DLG1: variants seen among roughly 807,000 people sequenced by gnomAD.
DLG1 encodes the protein discs large MAGUK scaffold protein 1, also known as disks large homolog 1.
A neutral mutation model predicts 123.4 loss-of-function variants in DLG1; 42 were observed. That is an observed-to-expected ratio of 0.34 (90% CI 0.27 to 0.44). DLG1 has a LOEUF of 0.44. DLG1 is among the 20% of genes least tolerant of loss of function. The pLI is 1.00. For synonymous variants in DLG1, 317 were observed against 356.2 expected (o/e 0.89, Z 1.24); for missense variants, 942 against 1,082.6 (o/e 0.87, Z 1.82).
At chr3:197,142,446 G>A (rs987558201) in intron 7 of DLG1, among the ~76,000 whole-genome samples, 4 of 152,132 alleles carry the variant, frequency 2.6e-5, no homozygotes, top group African/African-American at 7.2e-5. Context: ...AACAATAGAG[G>A]AGGCTGAATC....
chr3:197,108,778 G>C (rs9858231), intron 13 of DLG1, among the ~76,000 whole-genome samples: 22,012 of 151,956 alleles, frequency 0.14, 2,271 homozygotes, highest in African/African-American at 0.29. Context: ...CTCTCTTGTA[G>C]ACCCTGTGTA....
chr3:197,260,193 AC>A (rs1758724672), intron 4 of DLG1: 1 of 372,836 alleles, frequency 2.7e-6, no homozygotes, highest in Non-Finnish European at 5.2e-6. Context: ...TTTAAAAGAC[AC>A]TGAACAAAGG....
intron 5 of DLG1, among the ~76,000 whole-genome samples, chr3:197,181,956 G>C (rs1712348977): frequency 6.6e-6 from 1 of 152,144 alleles, no homozygotes; most frequent in Non-Finnish European, 1.5e-5. Flanking sequence ...TCACAGCAAC[G>C]TTCTGCTCCT....
chr3:197,234,593 T>C (rs138810073), intron 4 of DLG1, among the ~76,000 whole-genome samples: 77 of 152,306 alleles, frequency 5.1e-4, no homozygotes, highest in African/African-American at 1.7e-3. Context: ...AAAACTAACC[T>C]TGGACTAAAA....
At chr3:197,161,774 A>C (rs751756230) in intron 5 of DLG1, 1 of 1,339,816 alleles carries the variant, frequency 7.5e-7, no homozygotes. Flanking sequence ...CAGGAAAAAC[A>C]CCAAAATAAA....
chr3:197,296,953 T>C, intron 2 of DLG1: 1 of 502,874 alleles, frequency 2.0e-6, no homozygotes. Flanking sequence ...GGACATCTGT[T>C]GGGGGGGGGC....
At chr3:197,228,242 ATTGATCATGTAGG>A (rs1398825197) in intron 4 of DLG1, among the ~76,000 whole-genome samples, 2 of 152,212 alleles carry the variant, frequency 1.3e-5, no homozygotes, top group African/African-American at 4.8e-5. Flanking sequence ...GATTTGTCTC[ATTGATCATGTAGG>A]TTGTACACGC....
intron 5 of DLG1, among the ~76,000 whole-genome samples, chr3:197,172,120 T>C (rs991447802): frequency 6.6e-6 from 1 of 152,114 alleles, no homozygotes; most frequent in Non-Finnish European, 1.5e-5. Context: ...TGGTTAATGA[T>C]GGTCCACATG....
rs140259336 is a variant in DLG1 at position 197,066,595 on chromosome 3, TAA to T, written c.2098+107_2098+108del. ...AGTAAATTTCTACATGTATATGTAG[TAA>T]AAAAAAATTTTAATACAACATTTTT... On this transcript the variant is annotated intron_variant, in intron 20 of 24. Transcript: ENST00000667157. 5 of 693,726 alleles carry T rather than the reference TAA, an allele frequency of 7.2e-6. No homozygotes were observed. The African/African-American group carries it at 9.2e-5, about 13-fold the overall frequency. 43.0% of individuals were successfully genotyped at this position (693,726 alleles called of 1,614,324 possible).
intron 23 of DLG1, among the ~76,000 whole-genome samples, chr3:197,056,629 T>C (rs945499722): frequency 1.3e-5 from 2 of 152,228 alleles, no homozygotes; most frequent in Admixed American, 6.5e-5. Flanking sequence ...AGGTTTTCTA[T>C]TTTTCTTTTC....
chr3:197,192,851 C>T (rs1046632049), intron 5 of DLG1, among the ~76,000 whole-genome samples: 6 of 150,998 alleles, frequency 4.0e-5, no homozygotes, highest in Non-Finnish European at 5.9e-5. Flanking sequence ...AGAATGGTGA[C>T]GGAAAACAAA....
intron 16 of DLG1, among the ~76,000 whole-genome samples, chr3:197,081,639 AATGAT>A (rs1262860923): frequency 2.0e-5 from 3 of 152,036 alleles, no homozygotes; most frequent in Non-Finnish European, 4.4e-5. Flanking sequence ...GCCTAATTTT[AATGAT>A]ATATGTGTGT....
chr3:197,260,230 G>T, intron 4 of DLG1: 1 of 422,086 alleles, frequency 2.4e-6, no homozygotes, highest in Non-Finnish European at 4.7e-6. Context: ...CACTAACAAT[G>T]AAATACAGAA....
intron 4 of DLG1, among the ~76,000 whole-genome samples, chr3:197,207,455 C>CT (rs113517177): frequency 0.16 from 24,115 of 152,052 alleles, 2,091 homozygotes; most frequent in African/African-American, 0.22. Context: ...ATACTTTTAT[C>CT]TTTAACATAA....
At chr3:197,078,439 T>G (rs1329479679) in intron 17 of DLG1, 1 of 152,180 alleles carries the variant, frequency 6.6e-6, no homozygotes, top group African/African-American at 2.4e-5. Context: ...CATTTTTACC[T>G]TTTCATATAA....
intron 5 of DLG1, among the ~76,000 whole-genome samples, chr3:197,150,151 ATACAG>A (rs1793152972): frequency 6.6e-6 from 1 of 152,160 alleles, no homozygotes; most frequent in South Asian, 2.1e-4. Flanking sequence ...CTTCCCAAAG[ATACAG>A]TAAAGATTTC....
chr3:197,202,201 C>T (rs1726124287), intron 4 of DLG1, among the ~76,000 whole-genome samples: 1 of 152,140 alleles, frequency 6.6e-6, no homozygotes, highest in Non-Finnish European at 1.5e-5. Context: ...AATTACAAAA[C>T]GAGTGATAAC....
intron 24 of DLG1, among the ~76,000 whole-genome samples, chr3:197,050,862 T>C (rs1448561202): frequency 6.6e-6 from 1 of 152,252 alleles, no homozygotes; most frequent in Non-Finnish European, 1.5e-5. Flanking sequence ...CAACTTACAA[T>C]GTACACATTT....
intron 18 of DLG1, among the ~76,000 whole-genome samples, chr3:197,074,064 T>C (rs970897249): frequency 6.6e-6 from 1 of 152,118 alleles, no homozygotes; most frequent in African/African-American, 2.4e-5. Flanking sequence ...CTTCCCAGTA[T>C]TTACTACTAC....
Sources: allele counts gnomAD v4.1 joint callset (sites outside exome capture counted in the v4.1 genomes callset), GRCh38; gene constraint gnomAD v4.1.1; transcripts MANE v1.5; gene names NCBI Gene and HGNC (gene_info 2026-07-23, HGNC 2026-07-21).